Variants in ZNF701 observed in about 807,000 individuals in gnomAD.
ZNF701 encodes zinc finger protein 701.
A neutral mutation model predicts 7.1 loss-of-function variants in ZNF701; 6 were observed. That is an observed-to-expected ratio of 0.84 (90% CI 0.46 to 1.66). ZNF701 has a LOEUF of 1.66. Among genes scored for constraint, ZNF701 ranks in the 40% most tolerant of loss-of-function variants. The pLI, the probability that ZNF701 is intolerant of heterozygous loss-of-function variation, is 0.01. For synonymous variants in ZNF701, 166 were observed against 188.2 expected (o/e 0.88, Z 0.97); for missense variants, 541 against 559.2 (o/e 0.97, Z 0.33).
At chr19:52,571,532 G>C (rs886858420) in intron 1 of ZNF701, among the ~76,000 whole-genome samples, 1 of 152,086 alleles carries the variant, frequency 6.6e-6, no homozygotes, top group African/African-American at 2.4e-5. Context: ...GGTAATTTTT[G>C]TATTTTTAGT....
intron 3 of ZNF701, among the ~76,000 whole-genome samples, chr19:52,579,741 G>C (rs900309645): frequency 7.2e-6 from 1 of 138,354 alleles, no homozygotes; most frequent in Non-Finnish European, 1.5e-5. Flanking sequence ...AGGCACGGTC[G>C]TGGGTGGCAG....
rs775069200 is a variant in ZNF701 at position 52,583,378 on chromosome 19, G to A, written c.1319G>A (p.Cys440Tyr). ...RLHTGEKPYKCNECGKVFNRK... is the reference protein window; with the variant it reads ...RLHTGEKPYKYNECGKVFNRK... Reference sequence around the variant, plus strand: ...CATACTGGAGAGAAACCTTACAAGTGTAATGAATGTGGCAAGGTTTTTAAT... The same window carrying A: ...CATACTGGAGAGAAACCTTACAAGTATAATGAATGTGGCAAGGTTTTTAAT... Residue 440 changes from cysteine to tyrosine, a missense_variant, in exon 4 of 4, where the codon TGT becomes TAT. By Grantham distance (194) the Cys-to-Tyr change is radical (BLOSUM62 -2). Coordinates refer to ENST00000391785, the MANE Select transcript of ZNF701 (RefSeq NM_018260.3). 8 of 1,613,356 alleles carry A rather than the reference G, an allele frequency of 5.0e-6. No individual in the cohort carries two copies. Among genetic ancestry groups the A allele is most frequent in the South Asian group, 4.4e-5 (4 of 91,024 alleles).
intron 1 of ZNF701, among the ~76,000 whole-genome samples, 166 bp downstream of exon 1, chr19:52,570,496 T>G (rs1183150175): frequency 6.6e-6 from 1 of 152,172 alleles, no homozygotes; most frequent in African/African-American, 2.4e-5. Flanking sequence ...TCCTTTTGTG[T>G]TTAAAGTCGC....
chr19:52,588,606 T>C, downstream of ZNF701: 1 of 400,586 alleles, frequency 2.5e-6, no homozygotes. Flanking sequence ...GGGACGGCTC[T>C]TCCTCAGGTA....
intron 2 of ZNF701, among the ~76,000 whole-genome samples, chr19:52,575,395 TGAC>T (rs1346366085): frequency 1.3e-5 from 2 of 152,144 alleles, no homozygotes. Context: ...CTGAGACAAA[TGAC>T]AACACTTTGT....
In ZNF701 at chr19:52,574,134, C is replaced by T. The variant is rs199652701; in HGVS notation, c.-14C>T. 9.3e-6 allele frequency: 15 copies of T among 1,612,060 alleles called. No homozygotes were observed. The highest frequency in any genetic ancestry group is 1.3e-5 in the African/African-American group (1 of 74,804). ...AAAACACGGAAGAGGAAGAGGAAAG[C>T]AAAGGAGTCAGGGATGGCTCTTCTT... is the stretch of plus-strand genomic sequence containing the variant. On this transcript the variant is annotated 5_prime_UTR_variant, in exon 2 of 4. Transcript: ENST00000391785.
chr19:52,593,698 A>G, the ZNF701 span, among the ~76,000 whole-genome samples: 3 of 110,778 alleles, frequency 2.7e-5, no homozygotes, highest in Non-Finnish European at 5.8e-5. Context: ...GCTGCCAGGC[A>G]GAGGGTCTCC....
Position 52,584,286 on chromosome 19 carries a change from A to G in ZNF701, c.*829A>G. The G allele has an allele frequency of 1.3e-5, 3 of 222,580 alleles. No homozygotes were observed. Among genetic ancestry groups the G allele is most frequent in the Non-Finnish European group, 2.8e-5 (3 of 108,856 alleles). 13.8% of individuals were successfully genotyped at this position (222,580 alleles called of 1,614,324 possible). On this transcript the variant is annotated 3_prime_UTR_variant, in exon 4 of 4. Transcript: ENST00000391785. ...AATTGACTTGAGTTTGAGTTGACTTAAAACATTCAGTTGAAGCATTAATTG... is the reference window on the plus strand; with the variant it reads ...AATTGACTTGAGTTTGAGTTGACTTGAAACATTCAGTTGAAGCATTAATTG...
chr19:52,571,117 A>T (rs1311587264), intron 1 of ZNF701, among the ~76,000 whole-genome samples: 1 of 151,636 alleles, frequency 6.6e-6, no homozygotes. Flanking sequence ...AAAAAAAGAT[A>T]AGAAAGCAGG....
chr19:52,576,303 G>A (rs538298501), intron 3 of ZNF701, among the ~76,000 whole-genome samples: 3 of 152,264 alleles, frequency 2.0e-5, no homozygotes, highest in East Asian at 1.9e-4. Context: ...CACTTTGGGA[G>A]GCTGAGGCGT....
chr19:52,576,830 GAT>G (rs2059937784), intron 3 of ZNF701, among the ~76,000 whole-genome samples: 2 of 152,164 alleles, frequency 1.3e-5, no homozygotes, highest in African/African-American at 4.8e-5. Flanking sequence ...GTCTCATGCT[GAT>G]ATGTTATCTC....
chr19:52,580,257 T>A (rs1329744737), intron 3 of ZNF701, among the ~76,000 whole-genome samples: 1 of 151,990 alleles, frequency 6.6e-6, no homozygotes, highest in African/African-American at 2.4e-5. Context: ...TAGAAATTTT[T>A]ATTTTTGTCA....
chr19:52,597,130 A>T, the ZNF701 span: 2 of 810,096 alleles, frequency 2.5e-6, no homozygotes, highest in Admixed American at 1.9e-5. Context: ...CATCGATCAT[A>T]TCTTGCAGTT....
At chr19:52,572,358 C>T in intron 1 of ZNF701, 1 of 1,288,804 alleles carries the variant, frequency 7.8e-7, no homozygotes, top group Non-Finnish European at 1.0e-6. Flanking sequence ...CTCAGCCTCC[C>T]TGTTTTGAAG....
intron 1 of ZNF701, 21 bp from the exon 2 acceptor site, chr19:52,574,053 AAAC>A (rs746822462): frequency 3.7e-6 from 6 of 1,605,532 alleles, no homozygotes; most frequent in South Asian, 1.1e-5. Context: ...TCTGAGCAGT[AAAC>A]AACATATTTC....
chr19:52,595,912 G>C, the ZNF701 span: 2 of 1,613,076 alleles, frequency 1.2e-6, no homozygotes, highest in South Asian at 1.1e-5. Flanking sequence ...GCTTTCATTC[G>C]CATCTGCCTG....
At chr19:52,581,993 T>C (rs527605811) in intron 3 of ZNF701, among the ~76,000 whole-genome samples, 2 of 152,330 alleles carry the variant, frequency 1.3e-5, no homozygotes, top group Admixed American at 1.3e-4. Flanking sequence ...CGTCATGATA[T>C]TGGAAATAGG....
chr19:52,572,994 T>G, intron 1 of ZNF701: 1 of 270,572 alleles, frequency 3.7e-6, no homozygotes, highest in South Asian at 3.5e-5. Flanking sequence ...CACCCCCAAC[T>G]GAATTTCCCT....
the ZNF701 span, chr19:52,595,877 C>A: frequency 6.2e-7 from 1 of 1,613,076 alleles, no homozygotes; most frequent in Non-Finnish European, 8.5e-7. Flanking sequence ...TGGAAACAAG[C>A]CTATTAAAGA....
Sources: allele counts gnomAD v4.1 joint callset (sites outside exome capture counted in the v4.1 genomes callset), GRCh38; gene constraint gnomAD v4.1.1; transcripts MANE v1.5; gene names NCBI Gene and HGNC (gene_info 2026-07-23, HGNC 2026-07-21).